Variants in CSMD1 observed in about 807,000 individuals in gnomAD.
CSMD1 encodes CUB and sushi domain-containing protein 1.
In CSMD1, 213 loss-of-function variants were observed where a neutral mutation model predicts 417.5. The observed-to-expected ratio is 0.51, with a 90% CI of 0.46 to 0.57. The LOEUF (loss-of-function observed/expected upper bound fraction) is 0.57, where lower values mean the gene tolerates loss of function less well. Ranked by LOEUF, CSMD1 falls within the 20% of genes least tolerant of loss-of-function variation. The pLI, the probability that CSMD1 is intolerant of heterozygous loss-of-function variation, is 0.00. For synonymous variants in CSMD1, 2,862 were observed against 1,736.8 expected, an observed-to-expected ratio of 1.65 and a Z score of -16.11; for missense variants, 6,923 against 4,529.7, an observed-to-expected ratio of 1.53 and a Z score of -15.17.
chr8:3,121,008 A>G (rs1353595721), intron 41 of CSMD1, among the ~76,000 whole-genome samples: 1 of 152,160 alleles, frequency 6.6e-6, no homozygotes, highest in East Asian at 1.9e-4. Flanking sequence ...CTCTATTATG[A>G]GCATAATTTC....
intron 10 of CSMD1, among the ~76,000 whole-genome samples, chr8:3,519,355 A>C (rs1046154504): frequency 6.6e-6 from 1 of 152,254 alleles, no homozygotes. Flanking sequence ...CAGAAAAAGA[A>C]GTCAATCTTG....
chr8:3,636,829 T>C (rs80049085), intron 7 of CSMD1, among the ~76,000 whole-genome samples: 1 of 152,216 alleles, frequency 6.6e-6, no homozygotes, highest in African/African-American at 2.4e-5. Flanking sequence ...TTTTTTGCTA[T>C]ATGAGTTTAA....
At chr8:3,329,526 G>A (rs1193740634) in intron 23 of CSMD1, among the ~76,000 whole-genome samples, 2 of 152,140 alleles carry the variant, frequency 1.3e-5, no homozygotes, top group South Asian at 2.1e-4. Flanking sequence ...TTCCCCATGA[G>A]AATGTGCAGC....
At chr8:4,826,939 C>G (rs1164116806) in intron 1 of CSMD1, among the ~76,000 whole-genome samples, 1 of 152,120 alleles carries the variant, frequency 6.6e-6, no homozygotes, top group African/African-American at 2.4e-5. Flanking sequence ...TTACTACTCA[C>G]CCTTGAGTGT....
intron 4 of CSMD1, among the ~76,000 whole-genome samples, chr8:4,006,362 G>A (rs1478310160): frequency 2.6e-5 from 4 of 152,156 alleles, no homozygotes; most frequent in African/African-American, 7.2e-5. Context: ...TGGCCAACAT[G>A]GTGAAACCCT....
At chr8:4,366,465 A>C (rs903238087) in intron 3 of CSMD1, among the ~76,000 whole-genome samples, 1 of 152,196 alleles carries the variant, frequency 6.6e-6, no homozygotes, top group African/African-American at 2.4e-5. Context: ...TGCTGGTTTA[A>C]ATAGTAGTCC....
At chr8:4,133,746 T>C (rs1415240169) in intron 3 of CSMD1, among the ~76,000 whole-genome samples, 1 of 151,880 alleles carries the variant, frequency 6.6e-6, no homozygotes, top group Non-Finnish European at 1.5e-5. Context: ...GTTTTTTTTA[T>C]TATTTTATAT....
intron 5 of CSMD1, among the ~76,000 whole-genome samples, chr8:3,811,954 G>A (rs531009020): frequency 7.9e-5 from 12 of 152,002 alleles, no homozygotes; most frequent in African/African-American, 2.4e-4. Flanking sequence ...GCTTTTGTTT[G>A]TTTTTGTTTG....
chr8:4,084,527 C>G (rs987351280), intron 3 of CSMD1, among the ~76,000 whole-genome samples: 1 of 152,050 alleles, frequency 6.6e-6, no homozygotes, highest in Admixed American at 6.6e-5. Context: ...TTTTTCCTTA[C>G]TTCCTCAAGG....
At chr8:4,431,073 T>C (rs1797844570) in intron 2 of CSMD1, among the ~76,000 whole-genome samples, 2 of 152,172 alleles carry the variant, frequency 1.3e-5, no homozygotes, top group Non-Finnish European at 2.9e-5. Flanking sequence ...TATTTTCTTC[T>C]ATGATCATTA....
At chr8:3,954,420 T>C (rs1479616327) in intron 5 of CSMD1, among the ~76,000 whole-genome samples, 1 of 152,140 alleles carries the variant, frequency 6.6e-6, no homozygotes, top group East Asian at 1.9e-4. Flanking sequence ...TGGAGTGCAG[T>C]GGCGGTGGTG....
intron 25 of CSMD1, among the ~76,000 whole-genome samples, chr8:3,286,146 G>T (rs1439598733): frequency 6.6e-6 from 1 of 152,104 alleles, no homozygotes; most frequent in Non-Finnish European, 1.5e-5. Context: ...TCCCTACAAA[G>T]GACATGAACT....
chr8:4,003,818 G>C (rs1815892096), intron 4 of CSMD1, among the ~76,000 whole-genome samples: 2 of 149,080 alleles, frequency 1.3e-5, no homozygotes, highest in Non-Finnish European at 3.0e-5. Context: ...GTACGTGTCT[G>C]ATATTCTACC....
chr8:3,833,026 C>A (rs922130360), intron 5 of CSMD1, among the ~76,000 whole-genome samples: 1 of 152,112 alleles, frequency 6.6e-6, no homozygotes, highest in Non-Finnish European at 1.5e-5. Context: ...TAAGTTGATA[C>A]TATAAAGTAG....
chr8:3,133,928 A>G (rs1261783229), intron 41 of CSMD1, among the ~76,000 whole-genome samples: 2 of 152,080 alleles, frequency 1.3e-5, no homozygotes, highest in Non-Finnish European at 1.5e-5. Flanking sequence ...TAATCTCAGC[A>G]CTCTGGGAGG....
At chr8:4,987,390 A>G (rs574305201) in intron 1 of CSMD1, among the ~76,000 whole-genome samples, 1 of 152,318 alleles carries the variant, frequency 6.6e-6, no homozygotes, top group Admixed American at 6.5e-5. Context: ...GGTTGCTGCA[A>G]CACTTTAGGA....
At chr8:3,381,450 A>C (rs1810619996) in intron 18 of CSMD1, among the ~76,000 whole-genome samples, 2 of 152,212 alleles carry the variant, frequency 1.3e-5, no homozygotes. Context: ...ATTCTATTGC[A>C]AATTTAGGGT....
chr8:4,637,342 C>G lies in CSMD1; in HGVS notation c.302G>C (p.Arg101Thr). The G allele has an allele frequency of 6.2e-7, 1 of 1,608,122 alleles. No individual in the cohort carries two copies. The highest frequency in any genetic ancestry group is 8.5e-7 in the Non-Finnish European group (1 of 1,174,686). Residue 101 changes from arginine (R) to threonine (T), a missense_variant and splice_region_variant, in exon 2 of 70, where the codon AGA (arginine) becomes ACA (threonine). Physicochemically the swap from Arg to Thr is moderately conservative, Grantham distance 71. Transcript: ENST00000635120. ...GTAATATAAAAAGTTGATACCTTAC[C>G]TCACTTTTAAATTCCCTTGTTGAGG... Reference protein sequence around the residue: ...GQPQQGNLKVRLSGFQLPSSI... With the variant: ...GQPQQGNLKVTLSGFQLPSSI...
At chr8:3,836,932 A>G (rs1008405130) in intron 5 of CSMD1, among the ~76,000 whole-genome samples, 5 of 152,024 alleles carry the variant, frequency 3.3e-5, no homozygotes, top group African/African-American at 1.2e-4. Context: ...TTAAATCTCA[A>G]TGCACTAAAG....
Sources: allele counts gnomAD v4.1 joint callset (sites outside exome capture counted in the v4.1 genomes callset), GRCh38; gene constraint gnomAD v4.1.1; transcripts MANE v1.5; gene names NCBI Gene and HGNC (gene_info 2026-07-23, HGNC 2026-07-21).